Variants in RB1 observed in about 807,000 individuals in gnomAD.
RB1 encodes the protein RB transcriptional corepressor 1, also known as retinoblastoma-associated protein.
RB1 carries 18 observed loss-of-function variants against 135.4 expected under a neutral mutation model. The ratio of observed to expected loss-of-function variants is 0.13; its 90% CI spans 0.09 to 0.20. The LOEUF is 0.20. RB1 is among the 10% of genes least tolerant of loss of function. RB1 has a pLI of 1.00. For missense variants in RB1, 868 were observed against 1,110.0 expected (o/e 0.78, Z 3.10); for synonymous variants, 365 against 373.2 (o/e 0.98, Z 0.25).
intron 17 of RB1, among the ~76,000 whole-genome samples, chr13:48,433,416 T>C (rs1949150142): frequency 6.6e-6 from 1 of 152,130 alleles, no homozygotes; most frequent in Non-Finnish European, 1.5e-5. Context: ...AAGAAGAGAA[T>C]TGGGATTCTG....
chr13:48,473,247 G>A, intron 23 of RB1, 113 bp from the exon 24 acceptor site: 2 of 826,124 alleles, frequency 2.4e-6, no homozygotes, highest in Non-Finnish European at 4.0e-6. Flanking sequence ...CTAGGGTAGA[G>A]GTAACCTTTA....
At chr13:48,354,251 A>G (rs1217450850) in intron 6 of RB1, among the ~76,000 whole-genome samples, 2 of 152,214 alleles carry the variant, frequency 1.3e-5, no homozygotes, top group African/African-American at 4.8e-5. Context: ...AGGATAGAAA[A>G]TCAACATACA....
chr13:48,423,996 A>G (rs1221260676), intron 17 of RB1: 1 of 152,676 alleles, frequency 6.5e-6, no homozygotes, highest in Non-Finnish European at 1.5e-5. Context: ...AACTTACTTC[A>G]GTCATTTTGC....
At chr13:48,394,003 G>A (rs1210412078) in intron 17 of RB1, among the ~76,000 whole-genome samples, 1 of 152,208 alleles carries the variant, frequency 6.6e-6, no homozygotes, top group African/African-American at 2.4e-5. Flanking sequence ...AGCTGCCAGC[G>A]AGATCAACCC....
In RB1 at chr13:48,345,064, A is replaced by C; in HGVS notation, c.381-16A>C. 6.2e-7 allele frequency: 1 copy of C among 1,605,960 alleles called. No homozygotes were observed. The highest frequency in any genetic ancestry group is 1.1e-5 in the South Asian group (1 of 90,020). Reference sequence around the variant, plus strand: ...TAAGGTTACTGATTTACTTTTTTCTATTCTTTCCTTTGTAGTGTCCATAAA... The same window carrying C: ...TAAGGTTACTGATTTACTTTTTTCTCTTCTTTCCTTTGTAGTGTCCATAAA... On this transcript the variant is annotated splice_polypyrimidine_tract_variant and intron_variant, in intron 3 of 26. Transcript: ENST00000267163.
chr13:48,433,944 G>A (rs1949157418), intron 17 of RB1, among the ~76,000 whole-genome samples: 1 of 151,346 alleles, frequency 6.6e-6, no homozygotes, highest in South Asian at 2.1e-4. Flanking sequence ...GGCTGGTCTT[G>A]AACTCCTGGA....
chr13:48,412,717 C>A, intron 17 of RB1: 1 of 450,116 alleles, frequency 2.2e-6, no homozygotes, highest in South Asian at 2.2e-5. Flanking sequence ...AAAATACAGT[C>A]AACGAGTCCA....
chr13:48,465,728 A>G (rs971778444), intron 23 of RB1, among the ~76,000 whole-genome samples: 6 of 151,348 alleles, frequency 4.0e-5, no homozygotes, highest in Admixed American at 1.3e-4. Flanking sequence ...AAGCAGGGCG[A>G]GGCATTGCCT....
chr13:48,394,640 C>T (rs1311210941), intron 17 of RB1, among the ~76,000 whole-genome samples: 3 of 152,202 alleles, frequency 2.0e-5, no homozygotes, highest in African/African-American at 7.2e-5. Flanking sequence ...GAAGTTCAAA[C>T]TGGGCAGAGC....
intron 12 of RB1, among the ~76,000 whole-genome samples, chr13:48,374,904 C>T (rs1219998140): frequency 6.6e-6 from 1 of 152,052 alleles, no homozygotes; most frequent in Non-Finnish European, 1.5e-5. Flanking sequence ...CTATTGCTGC[C>T]ATCTTTATGT....
chr13:48,347,461 G>A (rs1247440662), intron 4 of RB1, among the ~76,000 whole-genome samples: 2 of 152,032 alleles, frequency 1.3e-5, no homozygotes, highest in Admixed American at 6.6e-5. Flanking sequence ...AGTAACAGTT[G>A]GATTTGGCCT....
chr13:48,349,145 C>A, intron 6 of RB1, 122 bp downstream of exon 6: 1 of 1,033,106 alleles, frequency 9.7e-7, no homozygotes, highest in South Asian at 2.0e-5. Flanking sequence ...CTCTGCTTGG[C>A]TTATTAACTG....
At chr13:48,374,002 A>G (rs1952792237) in intron 12 of RB1, among the ~76,000 whole-genome samples, 1 of 152,088 alleles carries the variant, frequency 6.6e-6, no homozygotes, top group African/African-American at 2.4e-5. Flanking sequence ...ATGCCACTCA[A>G]TCTAACTGTT....
chr13:48,344,600 G>T (rs146270075), intron 3 of RB1, among the ~76,000 whole-genome samples: 4 of 152,136 alleles, frequency 2.6e-5, no homozygotes, highest in Non-Finnish European at 5.9e-5. Context: ...GTGTCCACAC[G>T]GGGGAGGGGG....
intron 11 of RB1, among the ~76,000 whole-genome samples, chr13:48,370,699 C>T (rs996102833): frequency 9.2e-5 from 14 of 152,156 alleles, no homozygotes; most frequent in African/African-American, 2.9e-4. Context: ...TTCAGCTATC[C>T]GGAAGTTCTC....
In RB1 at chr13:48,381,417, A is replaced by C. The variant is rs1948534909; in HGVS notation, c.1669A>C (p.Ile557Leu). Residue 557 changes from isoleucine to leucine, a missense_variant, in exon 17 of 27, where the codon ATC becomes CTC. This residue lies in a region of RB1 where 641 missense variants were observed against 791.3 expected (regional missense o/e 0.81). Transcript: ENST00000267163. ...ACATTTAGAACGATGTGAACATCGA[A>C]TCATGGAATCCCTTGCATGGCTCTC... ...IKHLERCEHR[I>L]MESLAWLSDS... 1.9e-6 allele frequency: 3 copies of C among 1,613,722 alleles called. No individual in the cohort carries two copies. The highest frequency in any genetic ancestry group is 1.1e-5 in the South Asian group (1 of 91,068).
At position 48,325,690 on chromosome 13, in the gene RB1, ATT is replaced by A. The variant is rs11289184; in HGVS notation, c.265-16900_265-16899del. 2.1e-4 allele frequency among the ~76,000 whole-genome samples: 31 copies of A among 150,996 alleles called. No individual in the cohort carries two copies. The South Asian group carries it at 2.9e-3, about 14-fold the overall frequency. Reference sequence around the variant, plus strand: ...GTATTTAGCTTAATCCTTTTAGTGGATTTTTTTTTTATTTTTTGGGTATATCA... The same window carrying A: ...GTATTTAGCTTAATCCTTTTAGTGGATTTTTTTTATTTTTTGGGTATATCA... On this transcript the variant is annotated intron_variant, in intron 2 of 26. Coordinates refer to ENST00000267163, the MANE Select transcript of RB1 (RefSeq NM_000321.3).
chr13:48,455,317 C>T (rs141270736), intron 18 of RB1, among the ~76,000 whole-genome samples: 5 of 152,154 alleles, frequency 3.3e-5, no homozygotes, highest in South Asian at 2.1e-4. Context: ...TAGTTATATC[C>T]GGTAGGTAAT....
At chr13:48,382,346 C>T (rs540607730) in intron 17 of RB1, among the ~76,000 whole-genome samples, 125 of 152,314 alleles carry the variant, frequency 8.2e-4, no homozygotes, top group African/African-American at 2.5e-3. Context: ...TCTTCACATC[C>T]TCTCCAGCAT....
Sources: allele counts gnomAD v4.1 joint callset (sites outside exome capture counted in the v4.1 genomes callset), GRCh38; gene constraint gnomAD v4.1.1; regional missense constraint gnomAD v4.1.1; transcripts MANE v1.5; gene names NCBI Gene and HGNC (gene_info 2026-07-23, HGNC 2026-07-21).